The following VEPH1 variants were observed in gnomAD, a reference collection of about 807,000 sequenced individuals.
The protein encoded by VEPH1 is ventricular zone-expressed PH domain-containing protein homolog 1.
In VEPH1, 80 loss-of-function variants were observed where a neutral mutation model predicts 85.2. That is an observed-to-expected ratio of 0.94 (90% confidence interval 0.78 to 1.13). VEPH1 has a LOEUF of 1.13. VEPH1 is among the 50% of genes most tolerant of loss of function. The pLI, the probability that VEPH1 is intolerant of heterozygous loss-of-function variation, is 0.00. For missense variants in VEPH1, 955 were observed against 980.5 expected (o/e 0.97, Z 0.35); for synonymous variants, 297 against 348.0 (o/e 0.85, Z 1.63).
chr3:157,457,190 G>A (rs548059444), intron 4 of VEPH1, among the ~76,000 whole-genome samples: 1 of 152,064 alleles, frequency 6.6e-6, no homozygotes, highest in Non-Finnish European at 1.5e-5. Context: ...GGCTACTGGT[G>A]GTGTGTGGGA....
chr3:157,473,452 T>G (rs927024291), intron 2 of VEPH1, among the ~76,000 whole-genome samples: 6 of 152,208 alleles, frequency 3.9e-5, no homozygotes, highest in Admixed American at 3.3e-4. Flanking sequence ...TCTTGGGTTT[T>G]CTAAAAAGAT....
chr3:157,460,083 T>C (rs756236488), intron 4 of VEPH1, 98 bp downstream of exon 4: 2 of 1,610,842 alleles, frequency 1.2e-6, no homozygotes, highest in Non-Finnish European at 1.7e-6. Context: ...TTGCTTCTAA[T>C]ACTCTAGGTC....
intron 12 of VEPH1, among the ~76,000 whole-genome samples, chr3:157,276,254 A>T (rs929615292): frequency 7.9e-5 from 12 of 152,218 alleles, no homozygotes; most frequent in African/African-American, 2.9e-4. Flanking sequence ...TTCTCTGACC[A>T]ATTACTGATG....
intron 4 of VEPH1, chr3:157,443,636 C>T (rs976616198): frequency 2.6e-5 from 4 of 152,340 alleles, no homozygotes; most frequent in Admixed American, 2.0e-4. Context: ...GGAGCAAACT[C>T]GTACTTTTCT....
At chr3:157,488,507 CTT>C (rs1197141390) in intron 2 of VEPH1, among the ~76,000 whole-genome samples, 6 of 131,804 alleles carry the variant, frequency 4.6e-5, no homozygotes, top group Admixed American at 7.8e-5. Flanking sequence ...TTCTTTCTTT[CTT>C]TTTTTTTTTT....
chr3:157,493,678 C>A (rs1478750663), intron 2 of VEPH1, among the ~76,000 whole-genome samples: 1 of 152,136 alleles, frequency 6.6e-6, no homozygotes, highest in African/African-American at 2.4e-5. Context: ...GGACGATGAT[C>A]CTAATGACAA....
intron 11 of VEPH1, among the ~76,000 whole-genome samples, chr3:157,299,429 G>A (rs1177105584): frequency 6.6e-6 from 1 of 151,710 alleles, no homozygotes. Context: ...GTGTGGTGTT[G>A]GGCGCCTGTA....
rs905141206 is a variant in VEPH1 at position 157,313,049 on chromosome 3, C to T, written c.2010+572G>A. 3.3e-5 allele frequency among the ~76,000 whole-genome samples: 5 copies of T among 151,086 alleles called. No homozygotes were observed. In the South Asian group the frequency reaches 6.4e-4, roughly 19 times the overall value. On this transcript the variant is annotated intron_variant, in intron 11 of 13. Transcript: ENST00000362010. ...CCTCCCGAGTAGCTGGGACTACAGG[C>T]GCCCGCTACCACGCCCGGCTAATTT... is the stretch of plus-strand genomic sequence containing the variant.
intron 4 of VEPH1, chr3:157,437,962 G>C (rs1260913994): frequency 6.6e-7 from 1 of 1,511,754 alleles, no homozygotes. Context: ...CTTTGTTCCG[G>C]GAGCGCGCGT....
intron 9 of VEPH1, among the ~76,000 whole-genome samples, chr3:157,319,706 T>G (rs1721162972): frequency 6.6e-6 from 1 of 152,208 alleles, no homozygotes; most frequent in Non-Finnish European, 1.5e-5. Context: ...AAAAATAGTT[T>G]CTGTCTTTTT....
intron 11 of VEPH1, among the ~76,000 whole-genome samples, chr3:157,305,860 G>T (rs548835596): frequency 2.4e-4 from 37 of 152,246 alleles, no homozygotes; most frequent in South Asian, 2.1e-3. Context: ...AGTCTCCTAA[G>T]TATTTGCTCA....
chr3:157,460,125 A>G, intron 4 of VEPH1, 56 bp downstream of exon 4: 1 of 1,614,022 alleles, frequency 6.2e-7, no homozygotes, highest in Non-Finnish European at 8.5e-7. Context: ...TGCTTGATGA[A>G]AATACTTTTA....
chr3:157,459,636 A>G (rs948451311), intron 4 of VEPH1: 8 of 1,296,260 alleles, frequency 6.2e-6, no homozygotes, highest in Non-Finnish European at 7.8e-6. Context: ...GCATGAACTA[A>G]TTTGAGCTTC....
Position 157,260,089 on chromosome 3 carries a change from T to A in VEPH1, c.*1045A>T, listed in dbSNP as rs1712691430. 6.6e-6 allele frequency: 1 copy of A among 152,190 alleles called. No individual in the cohort carries two copies. Among genetic ancestry groups the A allele is most frequent in the Non-Finnish European group, 1.5e-5 (1 of 68,020 alleles). 9.4% of individuals were successfully genotyped at this position (152,190 alleles called of 1,614,324 possible). A position where few individuals can be genotyped will look rare whatever the true frequency, so the allele number is the denominator to read the frequency against. ...CAAAGTCAGCTGATTAGAAACCTTA[T>A]GTATATCTGCAACTTCTCTTCACTT... On this transcript the variant is annotated 3_prime_UTR_variant, in exon 14 of 14. Transcript: ENST00000362010.
intron 9 of VEPH1, among the ~76,000 whole-genome samples, chr3:157,342,765 A>G (rs1280197259): frequency 2.0e-5 from 3 of 152,344 alleles, no homozygotes; most frequent in South Asian, 2.1e-4. Context: ...AAAATTGACC[A>G]CATAGTTGGA....
intron 13 of VEPH1, among the ~76,000 whole-genome samples, chr3:157,265,290 G>C (rs1713475112): frequency 6.6e-6 from 1 of 152,194 alleles, no homozygotes; most frequent in African/African-American, 2.4e-5. Flanking sequence ...TCCCTCTGCA[G>C]TTCAACTAAA....
chr3:157,383,030 G>A (rs1458170077), intron 6 of VEPH1, among the ~76,000 whole-genome samples: 1 of 151,906 alleles, frequency 6.6e-6, no homozygotes, highest in African/African-American at 2.4e-5. Context: ...TAGAGACAGG[G>A]TCTCACCGTG....
intron 3 of VEPH1, among the ~76,000 whole-genome samples, chr3:157,464,552 G>A (rs995680278): frequency 3.9e-5 from 6 of 152,200 alleles, no homozygotes; most frequent in East Asian, 1.9e-4. Context: ...CAAATTCAGC[G>A]AAGTGCAGCA....
chr3:157,278,006 C>T (rs996267392), intron 12 of VEPH1, among the ~76,000 whole-genome samples: 1 of 152,080 alleles, frequency 6.6e-6, no homozygotes, highest in African/African-American at 2.4e-5. Flanking sequence ...TTTGGCCATT[C>T]GTTTATTGGT....
Sources: allele counts gnomAD v4.1 joint callset (sites outside exome capture counted in the v4.1 genomes callset), GRCh38; gene constraint gnomAD v4.1.1; transcripts MANE v1.5; gene names NCBI Gene and HGNC (gene_info 2026-07-23, HGNC 2026-07-21).